Variants in ACVR2A observed in about 807,000 individuals in gnomAD.
ACVR2A encodes the protein activin receptor type-2A.
ACVR2A carries 7 observed loss-of-function variants against 61.4 expected under a neutral mutation model. That is an observed-to-expected ratio of 0.11 (90% CI 0.06 to 0.21). The LOEUF (loss-of-function observed/expected upper bound fraction) is 0.21. Ranked by LOEUF, ACVR2A falls within the 10% of genes least tolerant of loss-of-function variation. ACVR2A has a pLI of 1.00. For missense variants in ACVR2A, 322 were observed against 621.7 expected, an observed-to-expected ratio of 0.52 and a Z score of 5.13; for synonymous variants, 193 against 208.3, an observed-to-expected ratio of 0.93 and a Z score of 0.63.
intron 4 of ACVR2A, among the ~76,000 whole-genome samples, chr2:147,904,371 C>G (rs1686938053): frequency 6.6e-6 from 1 of 151,836 alleles, no homozygotes; most frequent in African/African-American, 2.4e-5. Flanking sequence ...TTGTTTCCTG[C>G]TTATAAGATC....
At chr2:147,881,829 TAAC>T (rs1686310687) in intron 1 of ACVR2A, among the ~76,000 whole-genome samples, 2 of 152,090 alleles carry the variant, frequency 1.3e-5, no homozygotes, top group South Asian at 2.1e-4. Context: ...CTAAACTAAG[TAAC>T]AACAAGCCCT....
chr2:147,853,310 T>G (rs868203149), intron 1 of ACVR2A, among the ~76,000 whole-genome samples: 2 of 152,162 alleles, frequency 1.3e-5, no homozygotes, highest in Non-Finnish European at 2.9e-5. Context: ...TTGTGAAGTC[T>G]AGTTAAAGAA....
At chr2:147,858,485 G>A (rs1401901600) in intron 1 of ACVR2A, among the ~76,000 whole-genome samples, 1 of 152,066 alleles carries the variant, frequency 6.6e-6, no homozygotes, top group African/African-American at 2.4e-5. Context: ...CTTATCTTTT[G>A]CGGTATTGGC....
intron 4 of ACVR2A, among the ~76,000 whole-genome samples, chr2:147,909,167 C>A (rs1043102219): frequency 6.6e-6 from 1 of 152,130 alleles, no homozygotes. Context: ...CTAGTACTTA[C>A]TCCATTTTTC....
At chr2:147,847,853 CCA>C (rs1290798513) in intron 1 of ACVR2A, among the ~76,000 whole-genome samples, 1 of 152,072 alleles carries the variant, frequency 6.6e-6, no homozygotes, top group Non-Finnish European at 1.5e-5. Context: ...GTGTCTTTCC[CCA>C]CAGTTTGTTG....
rs1352908379 is a variant in ACVR2A at position 147,928,933 on chromosome 2, T to G, written c.*1659T>G. On this transcript the variant is annotated 3_prime_UTR_variant, in exon 11 of 11. Transcript: ENST00000241416. ...CATGTTAATTTTATAAAAGAATTTT[T>G]TACATGTCACTGTCAGGAGCTCACT... 1 of 152,498 alleles carries G rather than the reference T, an allele frequency of 6.6e-6. No homozygotes were observed. The highest frequency in any genetic ancestry group is 1.9e-4 in the East Asian group (1 of 5,202). 9.4% of individuals were successfully genotyped at this position (152,498 alleles called of 1,614,324 possible).
chr2:147,870,361 G>A (rs1353337904), intron 1 of ACVR2A, among the ~76,000 whole-genome samples: 5 of 151,990 alleles, frequency 3.3e-5, no homozygotes, highest in Non-Finnish European at 7.4e-5. Flanking sequence ...ATAACTCTAT[G>A]TATCTGCCCT....
rs1687536270 is a variant in ACVR2A at position 147,927,700 on chromosome 2, T to A, written c.*426T>A. The A allele has an allele frequency of 6.5e-6, 1 of 154,812 alleles. No homozygotes were observed. Among genetic ancestry groups the A allele is most frequent in the African/African-American group, 2.4e-5 (1 of 41,424 alleles). The allele number at this position is 154,812 out of a possible 1,614,324, so 9.6% of individuals were successfully genotyped here. On this transcript the variant is annotated 3_prime_UTR_variant, in exon 11 of 11. Transcript: ENST00000241416. ...TTCAGATTTTAAAAAGGGTAACTTG[T>A]TTTTATTGCATTTGCTGTTGTTTCT...
In ACVR2A at chr2:147,928,634, C is replaced by T. The variant is rs1320347773; in HGVS notation, c.*1360C>T. On this transcript the variant is annotated 3_prime_UTR_variant, in exon 11 of 11. Transcript: ENST00000241416. Reference sequence around the variant, plus strand: ...CCAATGTTGATATAGGTAGCATAGCCTAGCCTCCTCCCCAAAATTGCTTTT... The same window carrying T: ...CCAATGTTGATATAGGTAGCATAGCTTAGCCTCCTCCCCAAAATTGCTTTT... 1.3e-5 allele frequency: 2 copies of T among 152,218 alleles called. No individual in the cohort carries two copies. Among genetic ancestry groups the T allele is most frequent in the Admixed American group, 6.6e-5 (1 of 15,194 alleles). The allele number at this position is 152,218 out of a possible 1,614,324, so 9.4% of individuals were successfully genotyped here.
chr2:147,888,171 A>G (rs765674634), intron 1 of ACVR2A, among the ~76,000 whole-genome samples: 5 of 152,042 alleles, frequency 3.3e-5, no homozygotes, highest in Non-Finnish European at 7.4e-5. Context: ...TTTTTCACTG[A>G]TGTATGTTTC....
intron 1 of ACVR2A, among the ~76,000 whole-genome samples, chr2:147,895,409 A>G (rs1334741525): frequency 1.3e-5 from 2 of 152,142 alleles, no homozygotes; most frequent in Non-Finnish European, 2.9e-5. Flanking sequence ...TAAATTGTAT[A>G]TCACAGTAAA....
intron 1 of ACVR2A, among the ~76,000 whole-genome samples, chr2:147,889,395 AACAAAAC>A (rs1052959729): frequency 4.5e-4 from 68 of 152,306 alleles, no homozygotes; most frequent in African/African-American, 1.5e-3. Flanking sequence ...GTTTTTAAAA[AACAAAAC>A]TTGAATTGTC....
chr2:147,880,894 G>C (rs1382592763), intron 1 of ACVR2A, among the ~76,000 whole-genome samples: 1 of 152,142 alleles, frequency 6.6e-6, no homozygotes, highest in East Asian at 1.9e-4. Flanking sequence ...CCTGCCCAGG[G>C]GTGGAAGGGC....
intron 1 of ACVR2A, among the ~76,000 whole-genome samples, chr2:147,868,345 GAGA>G (rs1478236638): frequency 1.3e-5 from 2 of 152,158 alleles, no homozygotes; most frequent in Non-Finnish European, 2.9e-5. Flanking sequence ...TTAGACAGGA[GAGA>G]AGAAGTGGAA....
intron 1 of ACVR2A, among the ~76,000 whole-genome samples, chr2:147,881,352 A>G (rs1686293677): frequency 6.6e-6 from 1 of 152,170 alleles, no homozygotes; most frequent in Admixed American, 6.5e-5. Flanking sequence ...TTTCTTCCCA[A>G]AAAGATGTCA....
chr2:147,876,799 C>T (rs976080928), intron 1 of ACVR2A, among the ~76,000 whole-genome samples: 1 of 152,114 alleles, frequency 6.6e-6, no homozygotes, highest in Non-Finnish European at 1.5e-5. Flanking sequence ...TAGTGGAAGG[C>T]CAGGGATTAG....
At chr2:147,854,913 G>T (rs755353391) in intron 1 of ACVR2A, among the ~76,000 whole-genome samples, 1 of 151,356 alleles carries the variant, frequency 6.6e-6, no homozygotes, top group Non-Finnish European at 1.5e-5. Flanking sequence ...ACTGAGTCTC[G>T]CTCTGTTGGC....
chr2:147,869,411 C>T (rs1338232251), intron 1 of ACVR2A, among the ~76,000 whole-genome samples: 6 of 152,072 alleles, frequency 3.9e-5, no homozygotes, highest in Non-Finnish European at 7.3e-5. Context: ...GCAAGACCCT[C>T]GCAGTTGTGT....
At chr2:147,881,581 T>C (rs1215081492) in intron 1 of ACVR2A, among the ~76,000 whole-genome samples, 2 of 150,558 alleles carry the variant, frequency 1.3e-5, no homozygotes, top group East Asian at 1.9e-4. Context: ...TCTTTTTTTT[T>C]CTCCTCTCAA....
Sources: allele counts gnomAD v4.1 joint callset (sites outside exome capture counted in the v4.1 genomes callset), GRCh38; gene constraint gnomAD v4.1.1; transcripts MANE v1.5; gene names NCBI Gene and HGNC (gene_info 2026-07-23, HGNC 2026-07-21).